The following MYL1 variants were observed in gnomAD, a reference collection of about 807,000 sequenced individuals.
The protein encoded by MYL1 is myosin light chain 1/3, skeletal muscle isoform.
A neutral mutation model predicts 21.8 loss-of-function variants in MYL1; 16 were observed. The ratio of observed to expected loss-of-function variants is 0.74; its 90% confidence interval spans 0.50 to 1.12. The LOEUF (loss-of-function observed/expected upper bound fraction) is 1.12. MYL1 is among the 50% of genes most tolerant of loss of function. The probability of loss-of-function intolerance (pLI) is 0.00; values close to 1 mark genes in which losing one functional copy is unlikely to be tolerated. For missense variants in MYL1, 246 were observed against 241.0 expected (o/e 1.02, Z -0.14); for synonymous variants, 99 against 85.2 (o/e 1.16, Z -0.89).
At chr2:210,303,759 C>T (rs1365381841) in intron 1 of MYL1, 6 of 453,220 alleles carry the variant, frequency 1.3e-5, no homozygotes, top group Non-Finnish European at 2.2e-5. Flanking sequence ...GATCTGTACC[C>T]TGAGAGCTAT....
chr2:210,303,285 T>G (rs910149197), intron 1 of MYL1, among the ~76,000 whole-genome samples: 8 of 152,292 alleles, frequency 5.3e-5, no homozygotes, highest in African/African-American at 1.9e-4. Flanking sequence ...ATATAATGAA[T>G]CTTATGTGAT....
rs753874303 is a variant in MYL1, at chr2:210,315,020, T to C, written c.23A>G (p.Lys8Arg). 1 of 1,597,658 alleles carries C rather than the reference T, an allele frequency of 6.3e-7. No homozygotes were observed. Among genetic ancestry groups the C allele is most frequent in the African/African-American group, 1.4e-5 (1 of 73,410 alleles). The part of the protein sequence containing the change: MAPKKDV[K>R]KPVAAAAAAP... ...AGCCGCAGCCGCAGCCACAGGTTTC[T>C]TCACGTCTTTCTTTGGTGCCATTTT... The change falls in exon 1 of 7, where the codon AAG (lysine) becomes AGG (arginine). Residue 8 changes from lysine to arginine, a missense_variant. Physicochemically the swap from Lys to Arg is conservative, Grantham distance 26. Coordinates refer to ENST00000352451, the MANE Select transcript of MYL1 (RefSeq NM_079420.3).
At chr2:210,292,848 A>C (rs537681813) in intron 5 of MYL1, among the ~76,000 whole-genome samples, 1 of 152,356 alleles carries the variant, frequency 6.6e-6, no homozygotes, top group East Asian at 1.9e-4. Context: ...TTGTTCAAAC[A>C]GTATTTATTG....
intron 3 of MYL1, 78 bp from the exon 4 acceptor site, chr2:210,294,496 A>G (rs1690142407): frequency 1.5e-6 from 2 of 1,367,028 alleles, no homozygotes; most frequent in Non-Finnish European, 2.0e-6. Flanking sequence ...TTGAAAAGTT[A>G]TTCTAGGTTA....
chr2:210,313,090 G>A (rs1331586846), intron 1 of MYL1, among the ~76,000 whole-genome samples: 8 of 151,864 alleles, frequency 5.3e-5, no homozygotes, highest in Non-Finnish European at 1.2e-4. Context: ...GAAAAGAGAT[G>A]TTTTGTCTTT....
chr2:210,294,569 G>A (rs1559659501), intron 3 of MYL1, 151 bp from the exon 4 acceptor site: 1 of 715,466 alleles, frequency 1.4e-6, no homozygotes, highest in East Asian at 2.8e-5. Flanking sequence ...CAAGAATATG[G>A]TAATAGTTAA....
intron 1 of MYL1, among the ~76,000 whole-genome samples, chr2:210,305,951 T>C (rs1421791622): frequency 2.0e-5 from 3 of 151,914 alleles, no homozygotes. Flanking sequence ...TCCCAGCTAC[T>C]GGGGAGGCTG....
intron 3 of MYL1, among the ~76,000 whole-genome samples, chr2:210,297,729 A>G (rs1690199236): frequency 6.6e-6 from 1 of 151,908 alleles, no homozygotes; most frequent in African/African-American, 2.4e-5. Flanking sequence ...GACTTCTGCA[A>G]TTTTGCCACT....
In MYL1 at chr2:210,298,581, C is replaced by A. The variant is rs756694651; in HGVS notation, c.161-18G>T. 6.2e-7 allele frequency: 1 copy of A among 1,613,418 alleles called. No homozygotes were observed. Among genetic ancestry groups the A allele is most frequent in the South Asian group, 1.1e-5 (1 of 91,066 alleles). On this transcript the variant is annotated intron_variant, in intron 2 of 6. Coordinates refer to ENST00000352451, the MANE Select transcript of MYL1 (RefSeq NM_079420.3). ...CTTGAATTCTGCAAAAAGCAAGAAG[C>A]ATTAGAGTGCTCTTTTCTTCCTCTA...
intron 1 of MYL1, among the ~76,000 whole-genome samples, chr2:210,313,918 G>A (rs1260839613): frequency 1.3e-5 from 2 of 152,046 alleles, no homozygotes; most frequent in African/African-American, 4.8e-5. Flanking sequence ...TAAGTGAAAA[G>A]TTCACCTCAT....
intron 2 of MYL1, among the ~76,000 whole-genome samples, chr2:210,299,051 A>C (rs1029868975): frequency 3.9e-5 from 6 of 152,230 alleles, no homozygotes; most frequent in African/African-American, 1.4e-4. Context: ...CCCTTTAACC[A>C]GCTTTCTCCA....
chr2:210,293,804 A>C lies in MYL1; in HGVS notation c.479-4T>G. 1.9e-6 allele frequency: 3 copies of C among 1,613,800 alleles called. No individual in the cohort carries two copies. Among genetic ancestry groups the C allele is most frequent in the Non-Finnish European group, 2.5e-6 (3 of 1,179,740 alleles). ...TCTTCCTCTTTCATCTTTTCACCTG[A>C]TGAAACAAAACTCTCCTTTCAGAAA... On this transcript the variant is annotated splice_region_variant and splice_polypyrimidine_tract_variant and intron_variant, in intron 4 of 6. Coordinates refer to ENST00000352451, the MANE Select transcript of MYL1 (RefSeq NM_079420.3).
At chr2:210,302,668 A>G (rs569145876) in intron 1 of MYL1, 153 bp from the exon 2 acceptor site, 2 of 1,497,138 alleles carry the variant, frequency 1.3e-6, no homozygotes, top group East Asian at 2.4e-5. Flanking sequence ...GGACACTAAC[A>G]GGTTAAGCCA....
intron 3 of MYL1, among the ~76,000 whole-genome samples, chr2:210,296,463 T>C (rs536654582): frequency 2.0e-5 from 3 of 152,106 alleles, no homozygotes; most frequent in South Asian, 2.1e-4. Context: ...TAAAGATAGA[T>C]GTTTGGTAAG....
chr2:210,296,583 G>A (rs183180469), intron 3 of MYL1, among the ~76,000 whole-genome samples: 18 of 152,172 alleles, frequency 1.2e-4, no homozygotes, highest in Admixed American at 3.3e-4. Context: ...TCAGGAGTTC[G>A]AGACCAGCCT....
At chr2:210,299,035 G>T (rs1218404519) in intron 2 of MYL1, among the ~76,000 whole-genome samples, 1 of 152,066 alleles carries the variant, frequency 6.6e-6, no homozygotes, top group Non-Finnish European at 1.5e-5. Context: ...AAATTTCCTA[G>T]GTTATCCCTT....
chr2:210,297,394 T>G (rs888469758), intron 3 of MYL1, among the ~76,000 whole-genome samples: 21 of 152,122 alleles, frequency 1.4e-4, no homozygotes, highest in African/African-American at 4.6e-4. Flanking sequence ...GGTTTTTAAT[T>G]TGCATTTCCC....
rs921267686 is a variant in MYL1 at position 210,297,077 on chromosome 2, A to G, written c.304+1343T>C. Among the ~76,000 whole-genome samples, 195 of 150,060 alleles carry G rather than the reference A, an allele frequency of 1.3e-3. 1 individual carries two copies. The highest frequency in any genetic ancestry group is 1.1e-3 in the Non-Finnish European group (72 of 67,678). On this transcript the variant is annotated intron_variant, in intron 3 of 6. Coordinates refer to ENST00000352451, the MANE Select transcript of MYL1 (RefSeq NM_079420.3). ...ATTTTCTTTATCCATTCATCTGTTG[A>G]TGGACATTTATGTTGATTCCATATC...
At chr2:210,299,639 T>C (rs1274916990) in intron 2 of MYL1, among the ~76,000 whole-genome samples, 2 of 152,136 alleles carry the variant, frequency 1.3e-5, no homozygotes, top group Admixed American at 1.3e-4. Context: ...ACTTTCAAAA[T>C]TATAGTGACA....
Sources: allele counts gnomAD v4.1 joint callset (sites outside exome capture counted in the v4.1 genomes callset), GRCh38; gene constraint gnomAD v4.1.1; transcripts MANE v1.5; gene names NCBI Gene and HGNC (gene_info 2026-07-23, HGNC 2026-07-21).